The following PAK5 variants were observed in gnomAD, a reference collection of about 807,000 sequenced individuals.
PAK5 encodes serine/threonine-protein kinase PAK 5.
A neutral mutation model predicts 65.9 loss-of-function variants in PAK5; 16 were observed. The observed-to-expected ratio is 0.24, with a 90% CI of 0.16 to 0.37. The LOEUF (loss-of-function observed/expected upper bound fraction) is 0.37, where lower values mean the gene tolerates loss of function less well. Among genes scored for constraint, PAK5 ranks in the 10% least tolerant of loss-of-function variants. The pLI, the probability that PAK5 is intolerant of heterozygous loss-of-function variation, is 1.00. For missense variants in PAK5, 785 were observed against 903.9 expected, an observed-to-expected ratio of 0.87 and a Z score of 1.69; for synonymous variants, 371 against 354.9, an observed-to-expected ratio of 1.05 and a Z score of -0.51.
At chr20:9,792,545 A>C (rs1400987682) in intron 1 of PAK5, among the ~76,000 whole-genome samples, 1 of 152,194 alleles carries the variant, frequency 6.6e-6, no homozygotes, top group Admixed American at 6.5e-5. Context: ...TTTAAGTGGG[A>C]CAGTAACTTA....
intron 1 of PAK5, among the ~76,000 whole-genome samples, chr20:9,719,514 T>C (rs926091333): frequency 1.3e-5 from 2 of 152,096 alleles, no homozygotes; most frequent in Non-Finnish European, 2.9e-5. Context: ...ACTATACTAT[T>C]ATCACATTAC....
At chr20:9,705,791 C>A (rs1255225253) in intron 2 of PAK5, among the ~76,000 whole-genome samples, 3 of 152,094 alleles carry the variant, frequency 2.0e-5, no homozygotes, top group African/African-American at 7.2e-5. Context: ...ACAGAAATAT[C>A]AATCTATAAA....
chr20:9,612,940 T>C (rs954836911), intron 3 of PAK5, among the ~76,000 whole-genome samples: 1 of 152,124 alleles, frequency 6.6e-6, no homozygotes, highest in Non-Finnish European at 1.5e-5. Context: ...TAGACTTTAT[T>C]TTACCTATTA....
chr20:9,719,932 A>C (rs1000579714), intron 1 of PAK5, among the ~76,000 whole-genome samples: 4 of 152,238 alleles, frequency 2.6e-5, no homozygotes, highest in African/African-American at 9.6e-5. Context: ...TATGGAAATT[A>C]ACTTAAATTT....
chr20:9,709,705 T>G (rs1321783114), intron 2 of PAK5, among the ~76,000 whole-genome samples: 1 of 152,156 alleles, frequency 6.6e-6, no homozygotes, highest in African/African-American at 2.4e-5. Context: ...TAGAACAATT[T>G]CAGACAGTTA....
intron 2 of PAK5, among the ~76,000 whole-genome samples, chr20:9,661,078 G>T (rs2047339671): frequency 6.6e-6 from 1 of 152,192 alleles, no homozygotes; most frequent in South Asian, 2.1e-4. Flanking sequence ...AGTCTGAGCA[G>T]CTGTGATTGA....
chr20:9,571,962 T>G (rs1403783317), intron 4 of PAK5, among the ~76,000 whole-genome samples: 6 of 150,138 alleles, frequency 4.0e-5, no homozygotes, highest in Non-Finnish European at 1.5e-5. Context: ...GGTGTTTCAC[T>G]GGGGGCCCAG....
chr20:9,628,933 G>A (rs1009330139), intron 3 of PAK5, among the ~76,000 whole-genome samples: 3 of 152,140 alleles, frequency 2.0e-5, no homozygotes, highest in African/African-American at 7.2e-5. Flanking sequence ...CTCCTTGCTG[G>A]GCTACTTGTG....
At chr20:9,588,838 T>C (rs1470690396) in intron 3 of PAK5, among the ~76,000 whole-genome samples, 3 of 152,186 alleles carry the variant, frequency 2.0e-5, no homozygotes, top group Non-Finnish European at 2.9e-5. Flanking sequence ...GCTCATTGTC[T>C]TTCCATTGTA....
At chr20:9,656,864 C>A (rs1414510804) in intron 2 of PAK5, among the ~76,000 whole-genome samples, 1 of 152,072 alleles carries the variant, frequency 6.6e-6, no homozygotes, top group East Asian at 1.9e-4. Context: ...GTCCACAAAT[C>A]TCTCCATACT....
intron 3 of PAK5, among the ~76,000 whole-genome samples, chr20:9,631,583 ATTGCAGCC>A (rs2046922582): frequency 6.6e-6 from 1 of 152,128 alleles, no homozygotes; most frequent in Admixed American, 6.6e-5. Flanking sequence ...TGGCCCCCTA[ATTGCAGCC>A]TTGTGAAACC....
intron 1 of PAK5, among the ~76,000 whole-genome samples, chr20:9,718,567 T>A (rs375680824): frequency 1.3e-5 from 2 of 152,128 alleles, no homozygotes. Flanking sequence ...TAAACTCCAA[T>A]GGGTTGCAAA....
intron 1 of PAK5, among the ~76,000 whole-genome samples, chr20:9,818,170 A>T (rs2049379547): frequency 6.6e-6 from 1 of 151,960 alleles, no homozygotes; most frequent in African/African-American, 2.4e-5. Flanking sequence ...ACATCTGATC[A>T]CTCTCCATAT....
rs2045212586 is a variant in PAK5 at position 9,538,933 on chromosome 20, T to C, written c.*529A>G. Reference sequence around the variant, plus strand: ...AGGAAAGGCTTTGTTCAAACTCCTCTAGTAAACAAGTATTACTTCAACTGA... The same window carrying C: ...AGGAAAGGCTTTGTTCAAACTCCTCCAGTAAACAAGTATTACTTCAACTGA... On this transcript the variant is annotated 3_prime_UTR_variant, in exon 10 of 10. Transcript: ENST00000353224. 4.3e-6 allele frequency: 1 copy of C among 233,178 alleles called. No homozygotes were observed. Among genetic ancestry groups the C allele is most frequent in the Non-Finnish European group, 8.5e-6 (1 of 117,868 alleles). 14.4% of individuals were successfully genotyped at this position (233,178 alleles called of 1,614,324 possible). A position where few individuals can be genotyped will look rare whatever the true frequency, so the allele number is the denominator to read the frequency against.
chr20:9,757,375 G>A (rs1030104077), intron 1 of PAK5, among the ~76,000 whole-genome samples: 2 of 152,064 alleles, frequency 1.3e-5, no homozygotes, highest in African/African-American at 2.4e-5. Flanking sequence ...ATCCAAGATA[G>A]GTTGAAAATA....
At chr20:9,696,946 T>C (rs2047877597) in intron 2 of PAK5, among the ~76,000 whole-genome samples, 1 of 152,028 alleles carries the variant, frequency 6.6e-6, no homozygotes, top group Non-Finnish European at 1.5e-5. Flanking sequence ...CAATAAACAT[T>C]TGTTGAATGA....
At chr20:9,663,802 A>G (rs549834677) in intron 2 of PAK5, among the ~76,000 whole-genome samples, 2 of 152,138 alleles carry the variant, frequency 1.3e-5, no homozygotes, top group Non-Finnish European at 2.9e-5. Flanking sequence ...TTTGAATAAC[A>G]CGAGTGCTTA....
chr20:9,657,487 G>A (rs2047284693), intron 2 of PAK5, among the ~76,000 whole-genome samples: 1 of 152,000 alleles, frequency 6.6e-6, no homozygotes, highest in African/African-American at 2.4e-5. Context: ...TTGATCGCTT[G>A]TATTACTAAT....
intron 3 of PAK5, among the ~76,000 whole-genome samples, chr20:9,632,907 G>A (rs1211150462): frequency 6.6e-6 from 1 of 152,182 alleles, no homozygotes; most frequent in Non-Finnish European, 1.5e-5. Context: ...ATAGGTATAA[G>A]GTTTGAGTCC....
Sources: gnomAD v4.1 joint callset for allele counts (sites outside exome capture counted in the v4.1 genomes callset) on GRCh38, gnomAD v4.1.1 for gene constraint, MANE v1.5 for transcripts, NCBI Gene and HGNC (gene_info 2026-07-23, HGNC 2026-07-21) for gene names.